Variants in ACTN1 observed in about 807,000 individuals in gnomAD.
ACTN1 encodes actinin alpha 1.
In ACTN1, 30 loss-of-function variants were observed where a neutral mutation model predicts 119.6. That is an observed-to-expected ratio of 0.25 (90% CI 0.19 to 0.34). The LOEUF (loss-of-function observed/expected upper bound fraction) is 0.34, where lower values mean the gene tolerates loss of function less well. Among genes scored for constraint, ACTN1 ranks in the 10% least tolerant of loss-of-function variants. The probability of loss-of-function intolerance (pLI) is 1.00; values close to 1 mark genes in which losing one functional copy is unlikely to be tolerated. For missense variants in ACTN1, 764 were observed against 1,223.4 expected (o/e 0.62, Z 5.60); for synonymous variants, 429 against 472.6 (o/e 0.91, Z 1.20).
At chr14:68,892,822 G>A (rs2032595308) in intron 9 of ACTN1, among the ~76,000 whole-genome samples, 1 of 152,142 alleles carries the variant, frequency 6.6e-6, no homozygotes, top group African/African-American at 2.4e-5. Flanking sequence ...CCAAGGTGAT[G>A]GTGGTGGAGA....
chr14:68,882,595 G>T lies in ACTN1; in HGVS notation c.1819-3C>A, dbSNP rs1401423846. The T allele has an allele frequency of 6.2e-7, 1 of 1,613,878 alleles. No individual in the cohort carries two copies. The highest frequency in any genetic ancestry group is 8.5e-7 in the Non-Finnish European group (1 of 1,179,952). ...CTCCGAGGCACCAGCTGCCGCACCT[G>T]GGGCAGGAACAACAAGGCGACTTTC... On this transcript the variant is annotated splice_polypyrimidine_tract_variant and splice_region_variant and intron_variant, in intron 15 of 21. Coordinates refer to ENST00000394419, the MANE Select transcript of ACTN1 (RefSeq NM_001130004.2). The surrounding 1 kb of genome is among the most constrained non-coding windows in gnomAD (Gnocchi z 4.5).
At chr14:68,920,152 T>C (rs920725126) in intron 3 of ACTN1, among the ~76,000 whole-genome samples, 3 of 152,230 alleles carry the variant, frequency 2.0e-5, no homozygotes, top group Non-Finnish European at 4.4e-5. Context: ...GTAATCTCTT[T>C]AAGCATCTGT....
intron 10 of ACTN1, 122 bp downstream of exon 10, chr14:68,891,931 A>C: frequency 3.3e-6 from 4 of 1,224,012 alleles, no homozygotes; most frequent in Non-Finnish European, 4.5e-6. Flanking sequence ...GGAGCAGTGT[A>C]TGTAGGTAGA....
chr14:68,922,046 T>C (rs1053545356), intron 2 of ACTN1, among the ~76,000 whole-genome samples: 4 of 152,182 alleles, frequency 2.6e-5, no homozygotes, highest in Non-Finnish European at 5.9e-5. Context: ...AAGTGCAGCA[T>C]AGAGCCATAC....
rs939404197 is a variant in ACTN1 at position 68,878,400 on chromosome 14, G to T, written c.2427+58C>A. On this transcript the variant is annotated intron_variant, in intron 20 of 21. Transcript: ENST00000394419. This position sits in a 1 kb window ranked among gnomAD's most constrained non-coding sequence, Gnocchi z 4.4. ...AGCCTGCCACTCCTGGGACTTGGCT[G>T]CTCCCGCCAGCTGGCTGCCTTCTCA... 5 of 1,517,036 alleles carry T rather than the reference G, an allele frequency of 3.3e-6. No homozygotes were observed. The highest frequency in any genetic ancestry group is 4.4e-6 in the Non-Finnish European group (5 of 1,134,808). 94.0% of individuals were successfully genotyped at this position (1,517,036 alleles called of 1,614,324 possible). A position where few individuals can be genotyped will look rare whatever the true frequency, so the allele number is the denominator to read the frequency against.
intron 21 of ACTN1, among the ~76,000 whole-genome samples, chr14:68,876,784 C>T (rs759523915): frequency 2.0e-4 from 31 of 152,222 alleles, no homozygotes; most frequent in Non-Finnish European, 4.1e-4. Flanking sequence ...TCCAAGAGTC[C>T]GATCACACAT....
intron 8 of ACTN1, among the ~76,000 whole-genome samples, chr14:68,898,988 ACAC>A (rs1239568847): frequency 6.9e-6 from 1 of 144,096 alleles, no homozygotes; most frequent in African/African-American, 2.6e-5. Context: ...GCCACACCTC[ACAC>A]CACACACACC....
rs1371015727 is a variant in ACTN1, at chr14:68,874,946, C to T, written c.2658G>A (p.Met886Ile). 8.1e-6 allele frequency: 13 copies of T among 1,613,408 alleles called. No homozygotes were observed. Among genetic ancestry groups the T allele is most frequent in the Non-Finnish European group, 1.1e-5 (13 of 1,179,754 alleles). ...PDQAEYCIAR[M>I]APYTGPDSVP... is the part of the protein sequence containing the mutation. Reference sequence around the variant, plus strand: ...CGGAGTCGGGGCCGGTGTAGGGGGCCATCCGCGCGATGCAGTACTCAGCCT... The same window carrying T: ...CGGAGTCGGGGCCGGTGTAGGGGGCTATCCGCGCGATGCAGTACTCAGCCT... Residue 886 changes from methionine to isoleucine, a missense_variant, in exon 22 of 22, where the codon ATG becomes ATA. By Grantham distance (10) the Met-to-Ile change is conservative (BLOSUM62 1). Coordinates refer to ENST00000394419, the MANE Select transcript of ACTN1 (RefSeq NM_001130004.2).
chr14:68,948,534 C>T (rs1018093087), intron 1 of ACTN1, among the ~76,000 whole-genome samples: 3 of 152,020 alleles, frequency 2.0e-5, no homozygotes, highest in African/African-American at 7.2e-5. Context: ...GCCGAGATTG[C>T]ACCGCTGCAC....
At chr14:68,945,224 C>T (rs1181784579) in intron 1 of ACTN1, among the ~76,000 whole-genome samples, 1 of 146,818 alleles carries the variant, frequency 6.8e-6, no homozygotes, top group African/African-American at 2.5e-5. Context: ...AACAAACAAA[C>T]AGCAAAGGCC....
chr14:68,910,722 C>A (rs2033958685), intron 4 of ACTN1, among the ~76,000 whole-genome samples: 1 of 152,128 alleles, frequency 6.6e-6, no homozygotes, highest in East Asian at 1.9e-4. Context: ...CCATAATTCC[C>A]ACGTGTTGTG....
rs144099844 is a variant in ACTN1 at position 68,968,537 on chromosome 14, T to C, written c.105+10415A>G. 5.9e-5 allele frequency among the ~76,000 whole-genome samples: 9 copies of C among 152,258 alleles called. No homozygotes were observed. The East Asian group carries it at 1.5e-3, about 26-fold the overall frequency. ...GACAGCTATATAGGCAAGAAATGTATAGGAACAAAAACACCAAACTTGGAA... is the reference window on the plus strand; with the variant it reads ...GACAGCTATATAGGCAAGAAATGTACAGGAACAAAAACACCAAACTTGGAA... On this transcript the variant is annotated intron_variant, in intron 1 of 21. Coordinates refer to ENST00000394419, the MANE Select transcript of ACTN1 (RefSeq NM_001130004.2).
rs1190793110 is a variant in ACTN1 at position 68,878,750 on chromosome 14, A to G, written c.2362-227T>C. On this transcript the variant is annotated intron_variant, in intron 19 of 21. Transcript: ENST00000394419. This position sits in a 1 kb window ranked among gnomAD's most constrained non-coding sequence, Gnocchi z 4.4. ...AGCAGGGAGATGCAAAAATCCACCC[A>G]TGGGATGAAGAGCAGCGAGGACGGA... is the stretch of plus-strand genomic sequence containing the variant. 2 of 1,541,588 alleles carry G rather than the reference A, an allele frequency of 1.3e-6. No homozygotes were observed. Among genetic ancestry groups the G allele is most frequent in the East Asian group, 2.4e-5 (1 of 40,970 alleles).
chr14:68,881,811 C>A (rs1164085631), intron 16 of ACTN1, among the ~76,000 whole-genome samples: 1 of 151,984 alleles, frequency 6.6e-6, no homozygotes, highest in Non-Finnish European at 1.5e-5. Flanking sequence ...TTTCTTTGGC[C>A]AGGCTCATTG....
intron 1 of ACTN1, among the ~76,000 whole-genome samples, chr14:68,953,953 T>C (rs2050896744): frequency 6.6e-6 from 1 of 152,062 alleles, no homozygotes; most frequent in Non-Finnish European, 1.5e-5. Flanking sequence ...ATGCTTCAGA[T>C]AGAAATTCTC....
intron 8 of ACTN1, 34 bp downstream of exon 8, chr14:68,902,443 G>C (rs1370114319): frequency 6.4e-7 from 1 of 1,571,484 alleles, no homozygotes; most frequent in Non-Finnish European, 8.8e-7. Flanking sequence ...CAGGAGGTGT[G>C]CTGGGCATGG....
chr14:68,960,273 ACC>A (rs1162143469), intron 1 of ACTN1, among the ~76,000 whole-genome samples: 1 of 152,218 alleles, frequency 6.6e-6, no homozygotes, highest in African/African-American at 2.4e-5. Context: ...CACAGTTCAA[ACC>A]TGTGATGTTC....
chr14:68,893,366 G>A (rs1207112819), intron 9 of ACTN1, among the ~76,000 whole-genome samples: 2 of 152,152 alleles, frequency 1.3e-5, no homozygotes, highest in East Asian at 3.9e-4. Context: ...AGGCTGGAAA[G>A]GCTTTGACAT....
chr14:68,893,752 C>T lies in ACTN1; in HGVS notation c.763-5G>A, dbSNP rs1337877514. 4.3e-6 allele frequency: 7 copies of T among 1,613,362 alleles called. No homozygotes were observed. The highest frequency in any genetic ancestry group is 5.9e-6 in the Non-Finnish European group (7 of 1,179,902). ...GCGATTGGCTGCTGTCTCCGCCTGG[C>T]AACAAGACAGAGAGAGTCACGACCA... On this transcript the variant is annotated splice_polypyrimidine_tract_variant and splice_region_variant and intron_variant, in intron 8 of 21. Coordinates refer to ENST00000394419, the MANE Select transcript of ACTN1 (RefSeq NM_001130004.2).
Sources: gnomAD v4.1 joint callset for allele counts (sites outside exome capture counted in the v4.1 genomes callset) on GRCh38, gnomAD v4.1.1 for gene constraint, Gnocchi (gnomAD v3.1) non-coding constraint, MANE v1.5 for transcripts, NCBI Gene and HGNC (gene_info 2026-07-23, HGNC 2026-07-21) for gene names.